LRRC4C: variants seen among roughly 807,000 people sequenced by gnomAD.
LRRC4C encodes leucine rich repeat containing 4C, also known as leucine-rich repeat-containing protein 4C.
Under a neutral mutation model 33.6 loss-of-function variants are expected in LRRC4C, and 5 were observed. The observed-to-expected ratio is 0.15, with a 90% CI of 0.08 to 0.31. LRRC4C has a LOEUF of 0.31. Ranked by LOEUF, LRRC4C falls within the 10% of genes least tolerant of loss-of-function variation. LRRC4C has a pLI of 1.00. For synonymous variants in LRRC4C, 329 were observed against 302.0 expected (o/e 1.09, Z -0.93); for missense variants, 560 against 796.7 (o/e 0.70, Z 3.58).
chr11:40,583,895 G>A (rs1315146139), intron 3 of LRRC4C, among the ~76,000 whole-genome samples: 1 of 151,590 alleles, frequency 6.6e-6, no homozygotes, highest in African/African-American at 2.4e-5. Context: ...TTTAAGGCAG[G>A]AAGAATGACA....
At chr11:41,257,666 G>T (rs1304489299) in intron 1 of LRRC4C, among the ~76,000 whole-genome samples, 1 of 152,024 alleles carries the variant, frequency 6.6e-6, no homozygotes, top group Non-Finnish European at 1.5e-5. Context: ...GGTCACCAGG[G>T]GGCAAAGGAG....
intron 1 of LRRC4C, among the ~76,000 whole-genome samples, chr11:41,185,768 T>C (rs1386650539): frequency 1.3e-5 from 2 of 152,112 alleles, no homozygotes; most frequent in Non-Finnish European, 2.9e-5. Flanking sequence ...TAGAGGTAAA[T>C]ACTTTTAAAA....
At chr11:41,105,392 A>G (rs2135654470) in intron 1 of LRRC4C, among the ~76,000 whole-genome samples, 1 of 152,100 alleles carries the variant, frequency 6.6e-6, no homozygotes, top group African/African-American at 2.4e-5. Flanking sequence ...ATACATCACT[A>G]CGCACATAAT....
intron 2 of LRRC4C, among the ~76,000 whole-genome samples, chr11:40,856,124 C>A (rs1953769563): frequency 6.6e-6 from 1 of 151,976 alleles, no homozygotes; most frequent in Non-Finnish European, 1.5e-5. Flanking sequence ...GGGAGCCATC[C>A]ATTACTGTAT....
chr11:40,505,161 G>T (rs1029379469), intron 3 of LRRC4C, among the ~76,000 whole-genome samples: 1 of 152,110 alleles, frequency 6.6e-6, no homozygotes, highest in Non-Finnish European at 1.5e-5. Flanking sequence ...AAGGAGATGG[G>T]TCTATTCTTA....
chr11:40,608,376 A>C (rs910266733), intron 3 of LRRC4C, among the ~76,000 whole-genome samples: 4 of 152,032 alleles, frequency 2.6e-5, no homozygotes, highest in Non-Finnish European at 4.4e-5. Context: ...GAAAATAGCT[A>C]TAGAAGACAC....
intron 3 of LRRC4C, among the ~76,000 whole-genome samples, chr11:40,424,149 A>G (rs892872744): frequency 3.1e-5 from 4 of 128,156 alleles, no homozygotes; most frequent in African/African-American, 1.2e-4. Flanking sequence ...GTGTAGATCC[A>G]TAATACTTAA....
chr11:40,577,750 A>T (rs1046212703), intron 3 of LRRC4C, among the ~76,000 whole-genome samples: 1 of 152,180 alleles, frequency 6.6e-6, no homozygotes, highest in African/African-American at 2.4e-5. Context: ...AAATGCCCGT[A>T]ACGCTGCTAT....
chr11:41,149,026 T>C (rs1324206257), intron 1 of LRRC4C, among the ~76,000 whole-genome samples: 1 of 152,140 alleles, frequency 6.6e-6, no homozygotes, highest in African/African-American at 2.4e-5. Flanking sequence ...AATCTACCAT[T>C]ATTGGACACA....
chr11:40,680,470 C>T (rs746003381), intron 2 of LRRC4C, among the ~76,000 whole-genome samples: 6 of 152,106 alleles, frequency 3.9e-5, no homozygotes, highest in African/African-American at 4.8e-5. Flanking sequence ...TCTTGTAGCT[C>T]CCATAAGTCC....
intron 1 of LRRC4C, among the ~76,000 whole-genome samples, chr11:41,017,626 T>C (rs1319333896): frequency 2.6e-5 from 4 of 151,814 alleles, no homozygotes; most frequent in East Asian, 3.9e-4. Context: ...TTTAGAGAGA[T>C]AGGAAAAATA....
chr11:40,367,938 T>C (rs1441513090), intron 3 of LRRC4C, among the ~76,000 whole-genome samples: 1 of 152,134 alleles, frequency 6.6e-6, no homozygotes, highest in Admixed American at 6.6e-5. Context: ...ATCTACACAG[T>C]AAGACATCAA....
chr11:40,964,343 G>A (rs1451445630), intron 1 of LRRC4C, among the ~76,000 whole-genome samples: 1 of 151,450 alleles, frequency 6.6e-6, no homozygotes, highest in Non-Finnish European at 1.5e-5. Flanking sequence ...AACAGACATT[G>A]AATTTGCTTT....
intron 1 of LRRC4C, among the ~76,000 whole-genome samples, chr11:41,034,912 T>C (rs1424096536): frequency 6.6e-6 from 1 of 150,556 alleles, no homozygotes; most frequent in Non-Finnish European, 1.5e-5. Context: ...GTTTGATAAT[T>C]GTAATTTTGA....
chr11:40,937,480 TA>T (rs1002004013), intron 1 of LRRC4C, among the ~76,000 whole-genome samples: 8 of 150,978 alleles, frequency 5.3e-5, no homozygotes, highest in South Asian at 2.1e-4. Context: ...AAGTTGAAAT[TA>T]AAAAAAAATA....
At chr11:40,708,092 C>A (rs948405892) in intron 2 of LRRC4C, among the ~76,000 whole-genome samples, 9 of 151,786 alleles carry the variant, frequency 5.9e-5, no homozygotes, top group African/African-American at 1.7e-4. Flanking sequence ...TCTGTTGATT[C>A]TTCTCACTTT....
In LRRC4C at chr11:40,524,305, T is replaced by C. The variant is rs966060848; in HGVS notation, c.-270+123837A>G. ...GGATGATTTTATTTCATGTCCTCTC[T>C]GGGAAAAGAAATACCACAGTAGATG... On this transcript the variant is annotated intron_variant, in intron 3 of 6. Coordinates refer to ENST00000528697, the MANE Select transcript of LRRC4C (RefSeq NM_001258419.2). Among the ~76,000 whole-genome samples, 21 of 152,276 alleles carry C rather than the reference T, an allele frequency of 1.4e-4. 1 individual carries two copies. The highest frequency in any genetic ancestry group is 3.4e-3 in the Middle Eastern group (1 of 294).
chr11:41,112,247 C>T (rs1590629138), intron 1 of LRRC4C, among the ~76,000 whole-genome samples: 4 of 152,158 alleles, frequency 2.6e-5, no homozygotes, highest in East Asian at 1.9e-4. Context: ...ACACTGATTG[C>T]TCAATGACAA....
chr11:41,365,694 A>C (rs1269646738), intron 1 of LRRC4C, among the ~76,000 whole-genome samples: 1 of 152,156 alleles, frequency 6.6e-6, no homozygotes, highest in Non-Finnish European at 1.5e-5. Flanking sequence ...AAAAATTGCT[A>C]CTAAACAATT....
Sources: gnomAD v4.1 joint callset for allele counts (sites outside exome capture counted in the v4.1 genomes callset) on GRCh38, gnomAD v4.1.1 for gene constraint, MANE v1.5 for transcripts, NCBI Gene and HGNC (gene_info 2026-07-23, HGNC 2026-07-21) for gene names.